ZBTB46: variants seen among roughly 807,000 people sequenced by gnomAD.
ZBTB46 encodes zinc finger and BTB domain containing 46.
Under a neutral mutation model 44.1 loss-of-function variants are expected in ZBTB46, and 8 were observed. The observed-to-expected ratio is 0.18, with a 90% CI of 0.11 to 0.33. The LOEUF is 0.33. ZBTB46 is among the 10% of genes least tolerant of loss of function. The pLI, the probability that ZBTB46 is intolerant of heterozygous loss-of-function variation, is 1.00. For synonymous variants in ZBTB46, 409 were observed against 382.3 expected (o/e 1.07, Z -0.81); for missense variants, 651 against 847.7 (o/e 0.77, Z 2.88).
intron 1 of ZBTB46, among the ~76,000 whole-genome samples, chr20:63,816,050 A>G (rs1601532492): frequency 1.4e-5 from 2 of 144,090 alleles, no homozygotes; most frequent in South Asian, 4.5e-4. Flanking sequence ...CGGTGGGTGC[A>G]GGTGCGGTGG....
At chr20:63,765,523 T>G (rs2092314289) in intron 3 of ZBTB46, among the ~76,000 whole-genome samples, 1 of 152,242 alleles carries the variant, frequency 6.6e-6, no homozygotes, top group Non-Finnish European at 1.5e-5. Context: ...CGACCTGCTG[T>G]GCCCAAGCGA....
At chr20:63,785,207 G>A (rs1441128344) in intron 2 of ZBTB46, among the ~76,000 whole-genome samples, 7 of 122,790 alleles carry the variant, frequency 5.7e-5, no homozygotes, top group South Asian at 2.7e-4. Flanking sequence ...ACTCCAGCCC[G>A]GCAACAGAGC....
chr20:63,809,024 A>G (rs1410802814), intron 1 of ZBTB46, among the ~76,000 whole-genome samples: 1 of 150,960 alleles, frequency 6.6e-6, no homozygotes, highest in Non-Finnish European at 1.5e-5. Flanking sequence ...AAAAAGAAAG[A>G]AAACTCCATG....
At chr20:63,772,479 G>A (rs1161434343) in intron 3 of ZBTB46, among the ~76,000 whole-genome samples, 1 of 152,072 alleles carries the variant, frequency 6.6e-6, no homozygotes, top group African/African-American at 2.4e-5. Flanking sequence ...GGCACTTTGG[G>A]AGGCTGAGGC....
intron 3 of ZBTB46, among the ~76,000 whole-genome samples, chr20:63,758,869 C>A (rs2092249182): frequency 6.6e-6 from 1 of 151,620 alleles, no homozygotes; most frequent in African/African-American, 2.4e-5. Flanking sequence ...GTAGCTGGGA[C>A]TACAGGCGCC....
At chr20:63,779,406 A>ATTTTTTTT (rs59166121) in intron 2 of ZBTB46, among the ~76,000 whole-genome samples, 1 of 105,578 alleles carries the variant, frequency 9.5e-6, no homozygotes, top group Non-Finnish European at 1.8e-5. Context: ...ACGCCGGCTA[A>ATTTTTTTT]TTTTTTTTTT....
chr20:63,784,898 G>A (rs1459721478), intron 2 of ZBTB46, among the ~76,000 whole-genome samples: 2 of 152,204 alleles, frequency 1.3e-5, no homozygotes, highest in African/African-American at 4.8e-5. Flanking sequence ...GGGCATCGGC[G>A]TCGAATGATC....
intron 1 of ZBTB46, among the ~76,000 whole-genome samples, chr20:63,818,417 G>A (rs557032621): frequency 2.0e-5 from 3 of 152,324 alleles, no homozygotes; most frequent in Admixed American, 1.3e-4. Flanking sequence ...GTGCCGCCCC[G>A]CAGTCAGTTC....
intron 3 of ZBTB46, chr20:63,769,529 T>C: frequency 3.6e-6 from 3 of 827,138 alleles, no homozygotes; most frequent in Non-Finnish European, 4.4e-6. Flanking sequence ...GGCAGGTGTT[T>C]GAACGCTTTG....
intron 2 of ZBTB46, among the ~76,000 whole-genome samples, chr20:63,780,632 C>T (rs1165675899): frequency 2.0e-5 from 3 of 151,830 alleles, no homozygotes; most frequent in African/African-American, 7.3e-5. Flanking sequence ...GAAACCCCGT[C>T]TCTACTAAAA....
intron 1 of ZBTB46, among the ~76,000 whole-genome samples, chr20:63,830,251 C>T (rs889170349): frequency 2.6e-5 from 4 of 152,194 alleles, no homozygotes; most frequent in Non-Finnish European, 5.9e-5. Context: ...AGGAGCCCTC[C>T]CTCTGGCGCA....
intron 3 of ZBTB46, among the ~76,000 whole-genome samples, chr20:63,755,891 A>T (rs1164143121): frequency 2.6e-5 from 4 of 152,300 alleles, no homozygotes; most frequent in African/African-American, 7.2e-5. Context: ...CTGTCCTAAA[A>T]ACGGAACCCT....
At chr20:63,756,378 TTCA>T (rs1216882011) in intron 3 of ZBTB46, among the ~76,000 whole-genome samples, 1 of 152,240 alleles carries the variant, frequency 6.6e-6, no homozygotes, top group Non-Finnish European at 1.5e-5. Flanking sequence ...TTCCTGAGTC[TTCA>T]TCACAAAACC....
rs1384291819 is a variant in ZBTB46, at chr20:63,831,084, C to T, written c.-34+13G>A. On this transcript the variant is annotated intron_variant, in intron 1 of 4. Transcript: ENST00000245663. ...CCGCCCGGCCGCGCGGACAATGAGC[C>T]GGCGCCGCTTACCTGTGACCCCATG... 45 of 140,930 alleles carry T rather than the reference C, an allele frequency of 3.2e-4. No individual in the cohort carries two copies. Among genetic ancestry groups the T allele is most frequent in the Admixed American group, 2.2e-3 (32 of 14,440 alleles). 8.7% of individuals were successfully genotyped at this position (140,930 alleles called of 1,614,324 possible).
Position 63,789,800 on chromosome 20 carries a change from C to T in ZBTB46, c.937+21G>A, listed in dbSNP as rs773177832. The T allele has an allele frequency of 3.4e-5, 54 of 1,589,618 alleles. No individual in the cohort carries two copies. The African/African-American group carries it at 4.1e-4, about 12-fold the overall frequency. On this transcript the variant is annotated intron_variant, in intron 2 of 4. Coordinates refer to ENST00000245663, the MANE Select transcript of ZBTB46 (RefSeq NM_001369741.1). ...GGACACACTGGGGCAGCTGAGCCCC[C>T]GTAACGAGTGAAAGGCTTACTTGAG...
intron 1 of ZBTB46, among the ~76,000 whole-genome samples, chr20:63,830,448 C>G (rs891618105): frequency 6.6e-6 from 1 of 150,940 alleles, no homozygotes; most frequent in African/African-American, 2.4e-5. Context: ...CCCCGAGGCC[C>G]CTGCGCCCCG....
intron 1 of ZBTB46, among the ~76,000 whole-genome samples, chr20:63,808,810 T>TA (rs1288529075): frequency 2.0e-5 from 3 of 150,798 alleles, no homozygotes; most frequent in South Asian, 2.1e-4. Flanking sequence ...CCGTCTCTAC[T>TA]AAAAAATACA....
intron 2 of ZBTB46, among the ~76,000 whole-genome samples, chr20:63,786,946 G>A (rs941707679): frequency 4.6e-5 from 7 of 152,166 alleles, no homozygotes; most frequent in Non-Finnish European, 7.3e-5. Flanking sequence ...GCGACTGCAC[G>A]TGGTCACCAA....
At chr20:63,779,406 A>ATTTTT (rs59166121) in intron 2 of ZBTB46, among the ~76,000 whole-genome samples, 11 of 105,564 alleles carry the variant, frequency 1.0e-4, no homozygotes, top group African/African-American at 3.2e-4. Flanking sequence ...ACGCCGGCTA[A>ATTTTT]TTTTTTTTTT....
Sources: gnomAD v4.1 joint callset for allele counts (sites outside exome capture counted in the v4.1 genomes callset) on GRCh38, gnomAD v4.1.1 for gene constraint, MANE v1.5 for transcripts, NCBI Gene and HGNC (gene_info 2026-07-23, HGNC 2026-07-21) for gene names.